PEAK1: variants seen among roughly 807,000 people sequenced by gnomAD.
The protein encoded by PEAK1 is pseudopodium enriched atypical kinase 1, also known as inactive tyrosine-protein kinase PEAK1.
Under a neutral mutation model 124.7 loss-of-function variants are expected in PEAK1, and 54 were observed. That is an observed-to-expected ratio of 0.43 (90% confidence interval 0.35 to 0.54). PEAK1 has a LOEUF of 0.54. Among genes scored for constraint, PEAK1 ranks in the 20% least tolerant of loss-of-function variants. The probability of loss-of-function intolerance (pLI) is 0.01; values close to 1 mark genes in which losing one functional copy is unlikely to be tolerated. For synonymous variants in PEAK1, 719 were observed against 760.0 expected (o/e 0.95, Z 0.89); for missense variants, 2,046 against 2,134.5 (o/e 0.96, Z 0.82).
At chr15:77,239,839 G>C (rs1407570720) in intron 6 of PEAK1, 1 of 984,950 alleles carries the variant, frequency 1.0e-6, no homozygotes, top group Non-Finnish European at 1.2e-6. Flanking sequence ...CACTCTCTAG[G>C]AAATCACACA....
chr15:77,342,156 TA>T (rs34828008), intron 2 of PEAK1, among the ~76,000 whole-genome samples: 16,221 of 140,186 alleles, frequency 0.12, 935 homozygotes, highest in African/African-American at 0.13. Flanking sequence ...TTCATTATGG[TA>T]AAAAAAAAAA....
At chr15:77,251,031 C>CAT (rs2060855279) in intron 6 of PEAK1, among the ~76,000 whole-genome samples, 1 of 152,172 alleles carries the variant, frequency 6.6e-6, no homozygotes, top group African/African-American at 2.4e-5. Context: ...CTTTTCATAT[C>CAT]TCCTGCATTT....
chr15:77,158,202 T>C, intron 8 of PEAK1: 1 of 287,740 alleles, frequency 3.5e-6, no homozygotes, highest in Non-Finnish European at 6.6e-6. Flanking sequence ...TGTATATCTC[T>C]ATCACTGTAT....
At chr15:77,284,891 AACAC>A (rs72078461) in intron 4 of PEAK1, 63 bp downstream of exon 4, 13,133 of 139,752 alleles carry the variant, frequency 0.094, 665 homozygotes, top group East Asian at 0.14. Flanking sequence ...TCTCTACTAA[AACAC>A]ACACACACAC....
At chr15:77,325,952 A>T (rs1267490506) in intron 2 of PEAK1, among the ~76,000 whole-genome samples, 1 of 152,194 alleles carries the variant, frequency 6.6e-6, no homozygotes, top group Non-Finnish European at 1.5e-5. Flanking sequence ...TAAATATAAC[A>T]GAGAACTAGT....
chr15:77,162,802 T>C (rs2055775245), intron 7 of PEAK1, among the ~76,000 whole-genome samples: 1 of 152,164 alleles, frequency 6.6e-6, no homozygotes, highest in Non-Finnish European at 1.5e-5. Flanking sequence ...ATTTCATCCA[T>C]GAGACAGATG....
chr15:77,407,882 GAT>G (rs71145822), intron 1 of PEAK1, among the ~76,000 whole-genome samples: 81,486 of 146,198 alleles, frequency 0.56, 23,142 homozygotes, highest in Middle Eastern at 0.66. Context: ...GATAAAGCAT[GAT>G]ATATATATAT....
At chr15:77,209,277 A>G (rs769516042) in intron 6 of PEAK1, among the ~76,000 whole-genome samples, 1 of 152,210 alleles carries the variant, frequency 6.6e-6, no homozygotes, top group Non-Finnish European at 1.5e-5. Flanking sequence ...GAGTCTAAAC[A>G]CTAGCAAACG....
intron 6 of PEAK1, chr15:77,204,949 C>A (rs555742558): frequency 5.5e-6 from 1 of 181,460 alleles, no homozygotes. Context: ...CAAAAAAGTT[C>A]AAAAAAAGGG....
chr15:77,115,098 G>C lies in PEAK1; in HGVS notation c.4299C>G (p.Asn1433Lys), dbSNP rs1022533398. 1 of 1,614,104 alleles carries C rather than the reference G, an allele frequency of 6.2e-7. No homozygotes were observed. Among genetic ancestry groups the C allele is most frequent in the East Asian group, 2.2e-5 (1 of 44,874 alleles). ...ATGCTGCTTCAGAACAGGGCTTTGGGTTTTTCCCATCCGTTTCTCCTTTGG... is the reference window on the plus strand; with the variant it reads ...ATGCTGCTTCAGAACAGGGCTTTGGCTTTTTCCCATCCGTTTCTCCTTTGG... ...EDAKGETDGKNPKPCSEAASS... is the reference protein window; with the variant it reads ...EDAKGETDGKKPKPCSEAASS... The change falls in exon 10 of 10, where the codon AAC (asparagine) becomes AAG (lysine). Residue 1433 changes from asparagine to lysine, a missense_variant. Physicochemically the swap from Asn to Lys is moderately conservative, Grantham distance 94. Transcript: ENST00000682557.
intron 6 of PEAK1, among the ~76,000 whole-genome samples, chr15:77,215,557 C>T (rs765805953): frequency 7.9e-5 from 12 of 152,142 alleles, no homozygotes; most frequent in Non-Finnish European, 1.6e-4. Context: ...TTACACTGCA[C>T]TGTTCAGGGA....
chr15:77,122,279 T>A (rs766331359), intron 9 of PEAK1, among the ~76,000 whole-genome samples: 7 of 152,168 alleles, frequency 4.6e-5, no homozygotes, highest in Non-Finnish European at 1.0e-4. Flanking sequence ...TGATTTTGGA[T>A]CCTAGAAGAG....
intron 2 of PEAK1, among the ~76,000 whole-genome samples, chr15:77,329,781 C>T (rs1323300218): frequency 1.3e-5 from 2 of 152,026 alleles, no homozygotes; most frequent in African/African-American, 4.8e-5. Context: ...AAAAATTGTT[C>T]CTTATGGCAT....
intron 8 of PEAK1, among the ~76,000 whole-genome samples, chr15:77,151,958 C>T (rs987160706): frequency 7.2e-5 from 11 of 152,130 alleles, no homozygotes; most frequent in African/African-American, 2.4e-4. Context: ...TTAGGATTGA[C>T]TTGGCAATGC....
chr15:77,241,894 C>T (rs184714413), intron 6 of PEAK1, among the ~76,000 whole-genome samples: 7 of 152,144 alleles, frequency 4.6e-5, no homozygotes, highest in African/African-American at 1.7e-4. Flanking sequence ...GTAAAGATGT[C>T]AATTTTCTTC....
chr15:77,316,670 C>A (rs1396633427), intron 2 of PEAK1, among the ~76,000 whole-genome samples: 1 of 152,124 alleles, frequency 6.6e-6, no homozygotes, highest in African/African-American at 2.4e-5. Flanking sequence ...AGCAAGTATT[C>A]AATGAATAAT....
rs72742479 is a variant in PEAK1, at chr15:77,187,427, A to C, written c.-114-5387T>G. On this transcript the variant is annotated intron_variant, in intron 6 of 9. Transcript: ENST00000682557. ...CAGGCAGATTTGATACCAAAAAAAAACCCCACAAAAATACAAAAAAACAAC... is the reference window on the plus strand; with the variant it reads ...CAGGCAGATTTGATACCAAAAAAAACCCCCACAAAAATACAAAAAAACAAC... Among the ~76,000 whole-genome samples the C allele has an allele frequency of 2.8e-3, 424 of 152,164 alleles. 1 individual carries two copies. Among genetic ancestry groups the C allele is most frequent in the Non-Finnish European group, 3.8e-3 (257 of 68,012 alleles).
intron 5 of PEAK1, among the ~76,000 whole-genome samples, chr15:77,278,102 G>A (rs1328072178): frequency 6.6e-6 from 1 of 152,036 alleles, no homozygotes; most frequent in Non-Finnish European, 1.5e-5. Context: ...ATACGCTCGT[G>A]GGCACGAGGG....
intron 2 of PEAK1, among the ~76,000 whole-genome samples, chr15:77,339,574 C>G (rs117900888): frequency 4.7e-4 from 72 of 152,186 alleles, no homozygotes; most frequent in Non-Finnish European, 9.7e-4. Flanking sequence ...CAAGGTAACA[C>G]AGAAAAACAT....
Sources: gnomAD v4.1 joint callset for allele counts (sites outside exome capture counted in the v4.1 genomes callset) on GRCh38, gnomAD v4.1.1 for gene constraint, MANE v1.5 for transcripts, NCBI Gene and HGNC (gene_info 2026-07-23, HGNC 2026-07-21) for gene names.